ATP7B: variants seen among roughly 807,000 people sequenced by gnomAD.
ATP7B encodes the protein copper-transporting ATPase 2.
Under a neutral mutation model 118.9 loss-of-function variants are expected in ATP7B, and 113 were observed. The ratio of observed to expected loss-of-function variants is 0.95; its 90% CI spans 0.82 to 1.11. ATP7B has a LOEUF of 1.11. Ranked by LOEUF, ATP7B falls within the 50% of genes most tolerant of loss-of-function variation. The probability of loss-of-function intolerance (pLI) is 0.00; values close to 1 mark genes in which losing one functional copy is unlikely to be tolerated. For missense variants in ATP7B, 1,867 were observed against 1,871.4 expected, an observed-to-expected ratio of 1.00 and a Z score of 0.04; for synonymous variants, 777 against 727.4, an observed-to-expected ratio of 1.07 and a Z score of -1.10.
intron 3 of ATP7B, 60 bp downstream of exon 3, chr13:51,970,432 G>C (rs555235650): frequency 1.2e-6 from 2 of 1,607,166 alleles, no homozygotes; most frequent in African/African-American, 2.7e-5. Flanking sequence ...GTATTCTGAA[G>C]GGAGAATACG....
chr13:51,992,056 C>CA (rs1167630814), intron 1 of ATP7B, among the ~76,000 whole-genome samples: 3 of 149,950 alleles, frequency 2.0e-5, no homozygotes, highest in Non-Finnish European at 4.4e-5. Flanking sequence ...ATAGAAGAAT[C>CA]AAAGAAACAG....
chr13:51,972,180 T>C (rs1951874091), intron 2 of ATP7B, among the ~76,000 whole-genome samples: 1 of 152,184 alleles, frequency 6.6e-6, no homozygotes, highest in South Asian at 2.1e-4. Context: ...TCTAAGCTAC[T>C]AGTGGTCTCC....
intron 1 of ATP7B, among the ~76,000 whole-genome samples, chr13:51,994,039 C>G (rs758912746): frequency 6.6e-6 from 1 of 152,178 alleles, no homozygotes; most frequent in African/African-American, 2.4e-5. Flanking sequence ...TGTAAAGTAA[C>G]AGTTTGGACA....
chr13:51,988,616 T>C (rs1347854772), intron 1 of ATP7B, among the ~76,000 whole-genome samples: 3 of 152,214 alleles, frequency 2.0e-5, no homozygotes, highest in Non-Finnish European at 2.9e-5. Context: ...CATATGTTTA[T>C]TGTGGCACTA....
chr13:51,958,975 C>T (rs1958545482), intron 7 of ATP7B: 1 of 218,766 alleles, frequency 4.6e-6, no homozygotes, highest in Non-Finnish European at 9.3e-6. Flanking sequence ...GATCCCATTT[C>T]AGTTAAAAAA....
Position 51,970,597 on chromosome 13 carries a change from G to T in ATP7B, c.1438C>A (p.Gln480Lys), listed in dbSNP as rs1951791027. ...TGCGGTGCCACTGCTCTGGTTGATT[G>T]TGGGGACTTTGCCAAGATGTCCGGG... ...HAPDILAKSPQSTRAVAPQKC... is the reference protein window; with the variant it reads ...HAPDILAKSPKSTRAVAPQKC... Residue 480 changes from glutamine (Q) to lysine (K), a missense_variant, in exon 3 of 21, where the codon CAA (glutamine) becomes AAA (lysine). Physicochemically the swap from Gln to Lys is moderately conservative, Grantham distance 53. Coordinates refer to ENST00000242839, the MANE Select transcript of ATP7B (RefSeq NM_000053.4). 6.2e-7 allele frequency: 1 copy of T among 1,614,042 alleles called. No homozygotes were observed. The highest frequency in any genetic ancestry group is 1.7e-5 in the Admixed American group (1 of 60,000).
At chr13:51,953,937 G>A (rs1290385579) in intron 9 of ATP7B, among the ~76,000 whole-genome samples, 1 of 149,040 alleles carries the variant, frequency 6.7e-6, no homozygotes, top group Non-Finnish European at 1.5e-5. Flanking sequence ...GCACACACAT[G>A]CATGTGTGCA....
chr13:51,941,031 A>G, intron 16 of ATP7B, 50 bp downstream of exon 16: 2 of 1,613,024 alleles, frequency 1.2e-6, no homozygotes, highest in Non-Finnish European at 1.7e-6. Flanking sequence ...TGATATCTGC[A>G]GAAAACTGTA....
intron 1 of ATP7B, among the ~76,000 whole-genome samples, chr13:51,981,066 T>C (rs1025819796): frequency 2.0e-5 from 3 of 152,208 alleles, no homozygotes; most frequent in African/African-American, 7.2e-5. Flanking sequence ...TAGAAGGAGA[T>C]ATTATCACCA....
chr13:51,970,453 G>A (rs201533696), intron 3 of ATP7B, 39 bp downstream of exon 3: 33 of 1,613,496 alleles, frequency 2.0e-5, no homozygotes, highest in Admixed American at 1.2e-4. Flanking sequence ...AGGTCTATAC[G>A]CAGCATTCCT....
At position 52,008,285 on chromosome 13, in the gene ATP7B, A is replaced by T. The variant is rs1953871830; in HGVS notation, c.51+3002T>A. On this transcript the variant is annotated intron_variant, in intron 1 of 20. Coordinates refer to ENST00000242839, the MANE Select transcript of ATP7B (RefSeq NM_000053.4). ...AGCCCGGGAGGCACAGGTTGCAGTG[A>T]ACCGAGATCCCGCCACTGCACTCCA... Among the ~76,000 whole-genome samples the T allele has an allele frequency of 2.6e-5, 4 of 152,348 alleles. No individual in the cohort carries two copies. The East Asian group carries it at 5.8e-4, about 22-fold the overall frequency.
chr13:51,961,438 C>G (rs1325292701), intron 6 of ATP7B, among the ~76,000 whole-genome samples: 2 of 151,994 alleles, frequency 1.3e-5, no homozygotes, highest in African/African-American at 4.8e-5. Context: ...AGAACCCATG[C>G]AAATAAAGTC....
At chr13:51,962,184 G>T (rs977469345) in intron 5 of ATP7B, among the ~76,000 whole-genome samples, 1 of 152,148 alleles carries the variant, frequency 6.6e-6, no homozygotes. Context: ...TTGAGTGAAG[G>T]AATCCCAGAT....
chr13:52,003,593 C>G (rs926046818), intron 1 of ATP7B, among the ~76,000 whole-genome samples: 4 of 151,910 alleles, frequency 2.6e-5, no homozygotes, highest in African/African-American at 9.7e-5. Flanking sequence ...AGTAGACTTG[C>G]TCAGTGCAGG....
upstream of ATP7B, chr13:52,012,070 G>C (rs984386927): frequency 3.3e-5 from 16 of 485,828 alleles, no homozygotes; most frequent in African/African-American, 3.1e-4. Flanking sequence ...CCTCCAACGG[G>C]CGGCGGGCTT....
intron 4 of ATP7B, chr13:51,966,630 C>G: frequency 1.2e-6 from 1 of 819,982 alleles, no homozygotes; most frequent in Non-Finnish European, 2.0e-6. Context: ...TATGTGATGA[C>G]AATGCAACTA....
chr13:51,943,364 G>C (rs1321987762), intron 14 of ATP7B, among the ~76,000 whole-genome samples: 3 of 152,220 alleles, frequency 2.0e-5, no homozygotes, highest in African/African-American at 4.8e-5. Context: ...GGTGAGGTGA[G>C]AAAGAGTGGG....
chr13:51,964,718 T>C, intron 5 of ATP7B, 154 bp downstream of exon 5: 1 of 910,834 alleles, frequency 1.1e-6, no homozygotes, highest in Admixed American at 2.7e-5. Flanking sequence ...TTACCTGCAG[T>C]TTATTTTAAA....
Position 51,950,248 on chromosome 13 carries a change from GGAACATGA to G in ATP7B, c.2575+16_2575+23del. On this transcript the variant is annotated intron_variant, in intron 10 of 20. Coordinates refer to ENST00000242839, the MANE Select transcript of ATP7B (RefSeq NM_000053.4). Reference sequence around the variant, plus strand: ...ACAGCTGCTATGATATCCTCCTGAGGGAACATGAAACAAGCCATCTCACCTGTGATGAG... The same window carrying G: ...ACAGCTGCTATGATATCCTCCTGAGGAACAAGCCATCTCACCTGTGATGAG... 1 of 1,614,116 alleles carries G rather than the reference GGAACATGA, an allele frequency of 6.2e-7. No individual in the cohort carries two copies. The highest frequency in any genetic ancestry group is 1.7e-5 in the Admixed American group (1 of 60,016).
Sources: allele counts gnomAD v4.1 joint callset (sites outside exome capture counted in the v4.1 genomes callset), GRCh38; gene constraint gnomAD v4.1.1; transcripts MANE v1.5; gene names NCBI Gene and HGNC (gene_info 2026-07-23, HGNC 2026-07-21).